PAX2: variants seen among roughly 807,000 people sequenced by gnomAD.
PAX2 encodes paired box 2.
PAX2 carries 9 observed loss-of-function variants against 41.7 expected under a neutral mutation model. That is an observed-to-expected ratio of 0.22 (90% confidence interval 0.13 to 0.38). PAX2 has a LOEUF of 0.38. Among genes scored for constraint, PAX2 ranks in the 10% least tolerant of loss-of-function variants. PAX2 has a pLI of 1.00. For synonymous variants in PAX2, 221 were observed against 212.7 expected (o/e 1.04, Z -0.34); for missense variants, 418 against 531.6 (o/e 0.79, Z 2.10).
In PAX2 at chr10:100,750,687, G is replaced by C; in HGVS notation, c.213-7G>C. On this transcript the variant is annotated splice_region_variant and splice_polypyrimidine_tract_variant and intron_variant, in intron 2 of 9. Transcript: ENST00000355243. This position sits in a 1 kb window ranked among gnomAD's most constrained non-coding sequence, Gnocchi z 4.1. The stretch of plus-strand genomic sequence containing the variant: ...TCTGGCTGACCCCGCCGGCTTTCCC[G>C]GCGCAGGTACTACGAGACCGGCAGC... The C allele has an allele frequency of 2.5e-6, 4 of 1,613,842 alleles. No individual in the cohort carries two copies. Among genetic ancestry groups the C allele is most frequent in the Non-Finnish European group, 2.5e-6 (3 of 1,179,828 alleles).
chr10:100,752,003 A>C (rs1845460712), intron 3 of PAX2, among the ~76,000 whole-genome samples: 1 of 152,238 alleles, frequency 6.6e-6, no homozygotes, highest in African/African-American at 2.4e-5. Context: ...TGAAATTGGC[A>C]TCACATATAA....
In PAX2 at chr10:100,749,752, A is replaced by T. The variant is rs1845365104; in HGVS notation, c.50A>T (p.His17Leu). 1 of 1,610,312 alleles carries T rather than the reference A, an allele frequency of 6.2e-7. No individual in the cohort carries two copies. The highest frequency in any genetic ancestry group is 1.3e-5 in the African/African-American group (1 of 74,858). Residue 17 changes from histidine to leucine, a missense_variant, in exon 2 of 10, where the codon CAC (histidine) becomes CTC (leucine). This residue lies in a region of PAX2 where 108 missense variants were observed against 206.3 expected (regional missense o/e 0.52). Coordinates refer to ENST00000355243, the MANE Select transcript of PAX2 (RefSeq NM_000278.5). ...ADPFSAMHPGHGGVNQLGGVF... is the reference protein window; with the variant it reads ...ADPFSAMHPGLGGVNQLGGVF... ...TTTTCTTGTCTCTCCCCAGCAGGGC[A>T]CGGGGGTGTGAACCAGCTCGGGGGG...
chr10:100,803,879 A>T (rs118046856), intron 5 of PAX2, among the ~76,000 whole-genome samples: 1,838 of 152,134 alleles, frequency 0.012, 26 homozygotes, highest in Non-Finnish European at 0.021. Context: ...CCAGGGCCTG[A>T]GTATACAAAA....
At chr10:100,784,459 C>T (rs1846767842) in intron 5 of PAX2, among the ~76,000 whole-genome samples, 1 of 152,202 alleles carries the variant, frequency 6.6e-6, no homozygotes, top group East Asian at 1.9e-4. Context: ...GACTGGCCCT[C>T]CTTTGGCCCC....
chr10:100,737,954 G>T (rs1216948514), intron 1 of PAX2, among the ~76,000 whole-genome samples: 1 of 152,228 alleles, frequency 6.6e-6, no homozygotes, highest in Non-Finnish European at 1.5e-5. Context: ...AGGAGGAAGG[G>T]GATTGAATCA....
chr10:100,815,224 C>T (rs1482961509), intron 7 of PAX2, among the ~76,000 whole-genome samples: 2 of 152,158 alleles, frequency 1.3e-5, no homozygotes, highest in African/African-American at 2.4e-5. Context: ...GGCCAGCCCC[C>T]GGGGGAGGAG....
intron 1 of PAX2, among the ~76,000 whole-genome samples, chr10:100,746,507 AC>A (rs1261060053): frequency 6.6e-6 from 1 of 150,614 alleles, no homozygotes; most frequent in Non-Finnish European, 1.5e-5. Flanking sequence ...ACCCATTCTT[AC>A]CTCTCTGTCT....
rs1034451689 is a variant in PAX2 at position 100,823,474 on chromosome 10, A to G, written c.920-1174A>G. 2.0e-5 allele frequency among the ~76,000 whole-genome samples: 3 copies of G among 152,332 alleles called. No homozygotes were observed. In the East Asian group the frequency reaches 5.8e-4, roughly 29 times the overall value. ...AAGAGAGAGAGAGATGCTTTGGAATAGCCATTGGGAGAATAATGACTATGG... is the reference window on the plus strand; with the variant it reads ...AAGAGAGAGAGAGATGCTTTGGAATGGCCATTGGGAGAATAATGACTATGG... On this transcript the variant is annotated intron_variant, in intron 7 of 9. Coordinates refer to ENST00000355243, the MANE Select transcript of PAX2 (RefSeq NM_000278.5).
At chr10:100,808,560 C>T (rs936081102) in intron 6 of PAX2, among the ~76,000 whole-genome samples, 13 of 152,286 alleles carry the variant, frequency 8.5e-5, no homozygotes, top group Admixed American at 2.0e-4. Flanking sequence ...CCCTCCTACC[C>T]TTCTGTTAGC....
At chr10:100,805,015 CTCTCACAT>C (rs1332076134) in intron 5 of PAX2, among the ~76,000 whole-genome samples, 2 of 120,072 alleles carry the variant, frequency 1.7e-5, no homozygotes, top group African/African-American at 7.0e-5. Flanking sequence ...CTCTCTCTCT[CTCTCACAT>C]ACACACACAC....
intron 1 of PAX2, 35 bp from the exon 2 acceptor site, chr10:100,749,710 TG>T: frequency 1.3e-6 from 2 of 1,599,162 alleles, no homozygotes; most frequent in Non-Finnish European, 1.7e-6. Context: ...CCCTGCTGTG[TG>T]TGGGGTGTTG....
chr10:100,773,533 G>A (rs1564719142), intron 3 of PAX2, among the ~76,000 whole-genome samples: 1 of 152,156 alleles, frequency 6.6e-6, no homozygotes, highest in Non-Finnish European at 1.5e-5. Context: ...GAAACCCTGA[G>A]GCGGACGGTG....
chr10:100,781,171 G>T, intron 4 of PAX2, 75 bp from the exon 5 acceptor site: 1 of 1,490,504 alleles, frequency 6.7e-7, no homozygotes, highest in South Asian at 1.1e-5. Flanking sequence ...CTGCCCCCCA[G>T]CCTTGGGGCT....
chr10:100,753,856 T>C (rs896773710), intron 3 of PAX2, among the ~76,000 whole-genome samples: 2 of 152,252 alleles, frequency 1.3e-5, no homozygotes, highest in African/African-American at 4.8e-5. Context: ...TATTCTCCAC[T>C]AGCAAATCCT....
intron 5 of PAX2, among the ~76,000 whole-genome samples, chr10:100,798,104 CTT>C (rs11314855): frequency 1.9e-3 from 161 of 86,530 alleles, no homozygotes; most frequent in South Asian, 0.011. Context: ...ATGTCCACCT[CTT>C]TTTTTTTTTT....
intron 3 of PAX2, among the ~76,000 whole-genome samples, chr10:100,761,611 C>G (rs934235798): frequency 2.0e-5 from 3 of 152,242 alleles, no homozygotes; most frequent in African/African-American, 7.2e-5. Context: ...CTTTTCACTT[C>G]TAATTAAATT....
chr10:100,806,638 A>G, intron 6 of PAX2, 33 bp downstream of exon 6: 4 of 1,603,120 alleles, frequency 2.5e-6, no homozygotes, highest in Non-Finnish European at 3.4e-6. Context: ...GCAGAAGTAG[A>G]AAGGAGCCGG....
At chr10:100,795,753 T>G (rs913393399) in intron 5 of PAX2, among the ~76,000 whole-genome samples, 4 of 152,130 alleles carry the variant, frequency 2.6e-5, no homozygotes, top group Non-Finnish European at 5.9e-5. Flanking sequence ...TCAACAGCAG[T>G]TTTAGGGTCC....
At position 100,824,840 on chromosome 10, in the gene PAX2, G is replaced by T. The variant is rs11190717; in HGVS notation, c.1021+91G>T. 73 of 1,507,022 alleles carry T rather than the reference G, an allele frequency of 4.8e-5. No individual in the cohort carries two copies. The highest frequency in any genetic ancestry group is 4.8e-4 in the South Asian group (43 of 89,078). The allele number at this position is 1,507,022 out of a possible 1,614,324, so 93.4% of individuals were successfully genotyped here. A position where few individuals can be genotyped will look rare whatever the true frequency, so the allele number is the denominator to read the frequency against. On this transcript the variant is annotated intron_variant, in intron 8 of 9. Coordinates refer to ENST00000355243, the MANE Select transcript of PAX2 (RefSeq NM_000278.5). This position sits in a 1 kb window ranked among gnomAD's most constrained non-coding sequence, Gnocchi z 6.6. ...ATGGTCTGTAGTCTGAGGCTGGGGT[G>T]GGGGGAGACACAACGTCCCCTCCCT...
Sources: allele counts gnomAD v4.1 joint callset (sites outside exome capture counted in the v4.1 genomes callset), GRCh38; gene constraint gnomAD v4.1.1; regional missense constraint gnomAD v4.1.1; non-coding constraint Gnocchi (gnomAD v3.1); transcripts MANE v1.5; gene names NCBI Gene and HGNC (gene_info 2026-07-23, HGNC 2026-07-21).